Variants in NMT1 observed in about 807,000 individuals in gnomAD.
NMT1 encodes the protein N-myristoyltransferase 1, also known as glycylpeptide N-tetradecanoyltransferase 1.
NMT1 carries 12 observed loss-of-function variants against 63.4 expected under a neutral mutation model. The ratio of observed to expected loss-of-function variants is 0.19; its 90% confidence interval spans 0.12 to 0.31. NMT1 has a LOEUF of 0.31. Among genes scored for constraint, NMT1 ranks in the 10% least tolerant of loss-of-function variants. The pLI, the probability that NMT1 is intolerant of heterozygous loss-of-function variation, is 1.00. For missense variants in NMT1, 432 were observed against 634.6 expected, an observed-to-expected ratio of 0.68 and a Z score of 3.43; for synonymous variants, 228 against 234.3, an observed-to-expected ratio of 0.97 and a Z score of 0.25.
chr17:45,075,727 G>A (rs918786396), intron 1 of NMT1, among the ~76,000 whole-genome samples: 1 of 151,728 alleles, frequency 6.6e-6, no homozygotes, highest in Non-Finnish European at 1.5e-5. Context: ...CTGAGAACAC[G>A]GCACTGCACT....
intron 1 of NMT1, 76 bp downstream of exon 1, chr17:45,061,536 G>A (rs1388167470): frequency 2.2e-6 from 3 of 1,385,076 alleles, no homozygotes; most frequent in African/African-American, 1.4e-5. Flanking sequence ...GAAGTCACCG[G>A]GAGCTTAGTC....
intron 1 of NMT1, among the ~76,000 whole-genome samples, chr17:45,069,167 G>T (rs914557821): frequency 6.6e-6 from 1 of 151,116 alleles, no homozygotes; most frequent in East Asian, 1.9e-4. Flanking sequence ...CACCATCTTG[G>T]CCAGGCTGGT....
At chr17:45,098,886 G>A in intron 7 of NMT1, 1 of 290,804 alleles carries the variant, frequency 3.4e-6, no homozygotes, top group South Asian at 6.3e-5. Flanking sequence ...ATGTCCTAAA[G>A]TTTTAAATGG....
Position 45,099,507 on chromosome 17 carries a change from G to T in NMT1, c.987G>T (p.Leu329=). ...AGCGCACCATGAAGCTCTACCGACT[G>T]CCAGAGGCCAGTGCTGCCCCGGGTG... is the stretch of plus-strand genomic sequence containing the variant. ...TMQRTMKLYR[L]PETPKTAGLR... is the part of the protein sequence containing the mutation. Residue 329 remains leucine (L), a synonymous_variant, in exon 8 of 12, where the codon CTG becomes CTT. Coordinates refer to ENST00000258960, the MANE Select transcript of NMT1 (RefSeq NM_021079.5). The T allele has an allele frequency of 1.9e-6, 3 of 1,611,880 alleles. No homozygotes were observed. The highest frequency in any genetic ancestry group is 2.5e-6 in the Non-Finnish European group (3 of 1,177,938).
At chr17:45,080,222 G>A (rs1476509969) in intron 1 of NMT1, among the ~76,000 whole-genome samples, 1 of 151,026 alleles carries the variant, frequency 6.6e-6, no homozygotes, top group Non-Finnish European at 1.5e-5. Flanking sequence ...GTGCCGTGGC[G>A]CGATCTTGGC....
chr17:45,069,238 C>T lies in NMT1; in HGVS notation c.131+7778C>T, dbSNP rs189868044. Among the ~76,000 whole-genome samples, 18 of 151,234 alleles carry T rather than the reference C, an allele frequency of 1.2e-4. No homozygotes were observed. In the East Asian group the frequency reaches 1.9e-3, roughly 16 times the overall value. On this transcript the variant is annotated intron_variant, in intron 1 of 11. Coordinates refer to ENST00000258960, the MANE Select transcript of NMT1 (RefSeq NM_021079.5). The stretch of plus-strand genomic sequence containing the variant: ...CCTCCCAAAGTGCTGGGATTACAGG[C>T]GTGAGCCACCATGCCTGGCCAGACT...
intron 8 of NMT1, among the ~76,000 whole-genome samples, chr17:45,100,524 C>T (rs969190382): frequency 4.7e-5 from 7 of 149,318 alleles, no homozygotes; most frequent in African/African-American, 9.9e-5. Flanking sequence ...GCCAAGATCA[C>T]GTCATTGCAC....
chr17:45,103,172 C>T lies in NMT1; in HGVS notation c.1164+51C>T, dbSNP rs753391410. 10 of 1,549,790 alleles carry T rather than the reference C, an allele frequency of 6.5e-6. No individual in the cohort carries two copies. The South Asian group carries it at 7.1e-5, about 11-fold the overall frequency. Reference sequence around the variant, plus strand: ...TCTCTAACACGTTCCCAGAGAGGCACCCCCCTGAGTGGCCGGGTTCCCAGG... The same window carrying T: ...TCTCTAACACGTTCCCAGAGAGGCATCCCCCTGAGTGGCCGGGTTCCCAGG... On this transcript the variant is annotated intron_variant, in intron 9 of 11. Transcript: ENST00000258960. This position sits in a 1 kb window ranked among gnomAD's most constrained non-coding sequence, Gnocchi z 4.8.
chr17:45,077,620 C>T (rs941330728), intron 1 of NMT1, among the ~76,000 whole-genome samples: 2 of 152,212 alleles, frequency 1.3e-5, no homozygotes, highest in Admixed American at 6.5e-5. Flanking sequence ...GAACTCCCGA[C>T]CTCAGGTGAT....
chr17:45,086,184 C>T (rs1337668441), intron 2 of NMT1, among the ~76,000 whole-genome samples: 2 of 141,134 alleles, frequency 1.4e-5, no homozygotes, highest in East Asian at 2.1e-4. Flanking sequence ...AGTGCAATGG[C>T]GCCATCTCGG....
chr17:45,099,682 C>G (rs559576768), intron 8 of NMT1, 169 bp downstream of exon 8: 2 of 591,534 alleles, frequency 3.4e-6, no homozygotes, highest in South Asian at 2.1e-5. Flanking sequence ...TTATCTGAAG[C>G]AGGATTTTAT....
intron 8 of NMT1, among the ~76,000 whole-genome samples, chr17:45,101,632 A>G (rs1370817661): frequency 6.6e-6 from 1 of 151,294 alleles, no homozygotes; most frequent in Non-Finnish European, 1.5e-5. Context: ...AAAAAAAAAA[A>G]AAAAAAAGGA....
Position 45,105,773 on chromosome 17 carries a change from A to C in NMT1, c.*134A>C. On this transcript the variant is annotated 3_prime_UTR_variant, in exon 12 of 12. Coordinates refer to ENST00000258960, the MANE Select transcript of NMT1 (RefSeq NM_021079.5). The surrounding 1 kb of genome is among the most constrained non-coding windows in gnomAD (Gnocchi z 4.2). ...GAGCAGAACTGAACCGGCTTTACCA[A>C]ACCGCCAGCGAACTTGACAATTGTA... 1.2e-6 allele frequency: 1 copy of C among 835,334 alleles called. No individual in the cohort carries two copies. Among genetic ancestry groups the C allele is most frequent in the African/African-American group, 1.7e-5 (1 of 58,216 alleles). The allele number at this position is 835,334 out of a possible 1,614,324, so 51.7% of individuals were successfully genotyped here. A position where few individuals can be genotyped will look rare whatever the true frequency, so the allele number is the denominator to read the frequency against.
rs1485009901 is a variant in NMT1, at chr17:45,103,632, T to G, written c.1165-77T>G. On this transcript the variant is annotated intron_variant, in intron 9 of 11. Transcript: ENST00000258960. This position sits in a 1 kb window ranked among gnomAD's most constrained non-coding sequence, Gnocchi z 4.8. ...GGGGCAGAGCTGCCTGAAGGTGGAG[T>G]GAGAGAAACATTTTGTTCCCGGGCC... 5 of 1,422,104 alleles carry G rather than the reference T, an allele frequency of 3.5e-6. No homozygotes were observed. Among genetic ancestry groups the G allele is most frequent in the Non-Finnish European group, 4.8e-6 (5 of 1,037,800 alleles). The allele number at this position is 1,422,104 out of a possible 1,614,324, so 88.1% of individuals were successfully genotyped here. A position where few individuals can be genotyped will look rare whatever the true frequency, so the allele number is the denominator to read the frequency against.
chr17:45,082,714 C>T (rs989414156), intron 2 of NMT1, among the ~76,000 whole-genome samples: 2 of 152,198 alleles, frequency 1.3e-5, no homozygotes, highest in African/African-American at 4.8e-5. Context: ...TCATAATTCA[C>T]CTTTTAAAAC....
intron 8 of NMT1, among the ~76,000 whole-genome samples, chr17:45,102,539 G>C (rs182045138): frequency 6.6e-6 from 1 of 152,374 alleles, no homozygotes; most frequent in Admixed American, 6.5e-5. Context: ...AGAGCAGTGA[G>C]TGTGGGATGG....
chr17:45,077,377 A>C (rs1428192359), intron 1 of NMT1, among the ~76,000 whole-genome samples: 1 of 152,092 alleles, frequency 6.6e-6, no homozygotes, highest in Non-Finnish European at 1.5e-5. Context: ...TTGTCTCCTA[A>C]TATCAGCCAG....
At chr17:45,063,798 A>G (rs2053883931) in intron 1 of NMT1, among the ~76,000 whole-genome samples, 1 of 152,132 alleles carries the variant, frequency 6.6e-6, no homozygotes, top group African/African-American at 2.4e-5. Context: ...CCGGAGACTG[A>G]GGCAGGAGAA....
intron 1 of NMT1, among the ~76,000 whole-genome samples, chr17:45,080,848 C>T (rs1160350251): frequency 6.6e-6 from 1 of 151,202 alleles, no homozygotes; most frequent in Non-Finnish European, 1.5e-5. Context: ...CTCACTGCAA[C>T]CTCCACCTCC....
Sources: allele counts gnomAD v4.1 joint callset (sites outside exome capture counted in the v4.1 genomes callset), GRCh38; gene constraint gnomAD v4.1.1; non-coding constraint Gnocchi (gnomAD v3.1); transcripts MANE v1.5; gene names NCBI Gene and HGNC (gene_info 2026-07-23, HGNC 2026-07-21).